CSMD1: variants seen among roughly 807,000 people sequenced by gnomAD.
CSMD1 encodes CUB and Sushi multiple domains 1.
In CSMD1, 213 loss-of-function variants were observed where a neutral mutation model predicts 417.5. The observed-to-expected ratio is 0.51, with a 90% confidence interval of 0.46 to 0.57. The LOEUF is 0.57. CSMD1 is among the 20% of genes least tolerant of loss of function. CSMD1 has a pLI of 0.00. For synonymous variants in CSMD1, 2,862 were observed against 1,736.8 expected (o/e 1.65, Z -16.11); for missense variants, 6,923 against 4,529.7 (o/e 1.53, Z -15.17).
chr8:4,733,629 T>G (rs924943386), intron 1 of CSMD1, among the ~76,000 whole-genome samples: 23 of 152,344 alleles, frequency 1.5e-4, no homozygotes, highest in African/African-American at 5.0e-4. Context: ...TTTTATCCAA[T>G]AGTCTACACT....
chr8:4,790,691 A>G (rs1302491932), intron 1 of CSMD1, among the ~76,000 whole-genome samples: 3 of 152,204 alleles, frequency 2.0e-5, no homozygotes, highest in African/African-American at 2.4e-5. Flanking sequence ...TTCTATAACC[A>G]TCTGATATTT....
chr8:4,217,659 A>G (rs1278523351), intron 3 of CSMD1, among the ~76,000 whole-genome samples: 2 of 32,158 alleles, frequency 6.2e-5, no homozygotes, highest in East Asian at 4.9e-3. Context: ...ACCTCATCAG[A>G]AAAAAAAAAA....
chr8:4,547,678 T>G (rs1200577806), intron 2 of CSMD1, among the ~76,000 whole-genome samples: 1 of 152,204 alleles, frequency 6.6e-6, no homozygotes, highest in African/African-American at 2.4e-5. Context: ...GAGTTCTGTA[T>G]GAGAAATGGT....
intron 3 of CSMD1, among the ~76,000 whole-genome samples, chr8:4,093,917 G>A (rs770445578): frequency 6.6e-4 from 100 of 151,994 alleles, no homozygotes; most frequent in African/African-American, 2.3e-3. Context: ...CCCAGATTGC[G>A]CCATTACGCT....
At chr8:3,389,980 T>G (rs573779127) in intron 17 of CSMD1, among the ~76,000 whole-genome samples, 88 of 152,266 alleles carry the variant, frequency 5.8e-4, no homozygotes, top group African/African-American at 2.0e-3. Flanking sequence ...GTGGTAGAAT[T>G]ATGATACTAC....
chr8:4,238,119 T>G (rs1007998302), intron 3 of CSMD1, among the ~76,000 whole-genome samples: 4 of 152,188 alleles, frequency 2.6e-5, no homozygotes, highest in Non-Finnish European at 1.5e-5. Context: ...CAGTCATGTC[T>G]GCCCCTGGCC....
At chr8:4,766,353 G>C (rs1812464446) in intron 1 of CSMD1, among the ~76,000 whole-genome samples, 2 of 152,140 alleles carry the variant, frequency 1.3e-5, no homozygotes, top group African/African-American at 4.8e-5. Context: ...AAGGTTGTTA[G>C]GACACAAGAA....
Position 3,509,760 on chromosome 8 carries a change from C to G in CSMD1, c.1345-16034G>C, listed in dbSNP as rs370094851. The stretch of plus-strand genomic sequence containing the variant: ...CAGAGTGATATTTTGTTCTAGAATC[C>G]AAGGGGTCTGCTTGATGCCTTCTGT... On this transcript the variant is annotated intron_variant, in intron 10 of 69. Coordinates refer to ENST00000635120, the MANE Select transcript of CSMD1 (RefSeq NM_033225.6). Among the ~76,000 whole-genome samples, 21 of 152,210 alleles carry G rather than the reference C, an allele frequency of 1.4e-4. No individual in the cohort carries two copies. In the East Asian group the frequency reaches 1.9e-3, roughly 14 times the overall value.
At chr8:3,055,882 G>A (rs544318012) in intron 49 of CSMD1, among the ~76,000 whole-genome samples, 2 of 152,248 alleles carry the variant, frequency 1.3e-5, no homozygotes, top group East Asian at 1.9e-4. Context: ...AATGAACGTT[G>A]TCTTCTTACG....
chr8:3,784,438 T>C (rs1354233441), intron 5 of CSMD1, among the ~76,000 whole-genome samples: 1 of 152,238 alleles, frequency 6.6e-6, no homozygotes, highest in Non-Finnish European at 1.5e-5. Context: ...CCTTTCAGTT[T>C]CTTAAAGAGA....
chr8:4,899,318 T>A (rs969902503), intron 1 of CSMD1, among the ~76,000 whole-genome samples: 3 of 126,428 alleles, frequency 2.4e-5, no homozygotes, highest in Non-Finnish European at 4.9e-5. Context: ...TTCTTACCTT[T>A]AAAATTGAAG....
rs140146738 is a variant in CSMD1 at position 3,014,528 on chromosome 8, C to A, written c.8029+3949G>T. 3.3e-3 allele frequency among the ~76,000 whole-genome samples: 501 copies of A among 152,244 alleles called. 1 individual carries two copies. Among genetic ancestry groups the A allele is most frequent in the African/African-American group, 0.011 (470 of 41,526 alleles). ...AACTCAGCAGTGTGATTTTTAGTCCCCTCAGCTGATTCGGATGAAATTCTC... is the reference window on the plus strand; with the variant it reads ...AACTCAGCAGTGTGATTTTTAGTCCACTCAGCTGATTCGGATGAAATTCTC... On this transcript the variant is annotated intron_variant, in intron 52 of 69. Coordinates refer to ENST00000635120, the MANE Select transcript of CSMD1 (RefSeq NM_033225.6).
intron 2 of CSMD1, among the ~76,000 whole-genome samples, chr8:4,425,394 A>G (rs572255062): frequency 1.3e-5 from 2 of 150,826 alleles, no homozygotes; most frequent in African/African-American, 5.0e-5. Context: ...AAAAAAAAAA[A>G]AAATAGAGTC....
chr8:4,309,619 T>C (rs1798447771), intron 3 of CSMD1, among the ~76,000 whole-genome samples: 1 of 152,082 alleles, frequency 6.6e-6, no homozygotes, highest in South Asian at 2.1e-4. Context: ...TTAGTACAAC[T>C]CCCTTGGGAA....
chr8:4,726,583 G>T (rs1362378330), intron 1 of CSMD1, among the ~76,000 whole-genome samples: 1 of 152,128 alleles, frequency 6.6e-6, no homozygotes, highest in Non-Finnish European at 1.5e-5. Context: ...CAGGTGAGAC[G>T]TCTAGGGCCT....
intron 3 of CSMD1, among the ~76,000 whole-genome samples, chr8:4,187,129 C>G (rs995726000): frequency 7.4e-6 from 1 of 134,942 alleles, no homozygotes; most frequent in Non-Finnish European, 1.6e-5. Flanking sequence ...AGTCTCCACT[C>G]TGTTAAAACA....
Position 4,499,190 on chromosome 8 carries a change from T to C in CSMD1, c.303-79125A>G, listed in dbSNP as rs374244196. 2.4e-4 allele frequency among the ~76,000 whole-genome samples: 37 copies of C among 152,146 alleles called. No individual in the cohort carries two copies. In the South Asian group the frequency reaches 3.9e-3, roughly 16 times the overall value. On this transcript the variant is annotated intron_variant, in intron 2 of 69. Coordinates refer to ENST00000635120, the MANE Select transcript of CSMD1 (RefSeq NM_033225.6). Reference sequence around the variant, plus strand: ...CATCAAAGGAAAGCAAGACAGAAAATTGAGGAGCCTCAGAAAGACTTCACA... The same window carrying C: ...CATCAAAGGAAAGCAAGACAGAAAACTGAGGAGCCTCAGAAAGACTTCACA...
chr8:4,479,618 G>C (rs1332764940), intron 2 of CSMD1, among the ~76,000 whole-genome samples: 4 of 152,004 alleles, frequency 2.6e-5, no homozygotes, highest in East Asian at 1.9e-4. Flanking sequence ...CTTTCCAGCT[G>C]GGTGCAGTGG....
chr8:4,855,012 C>T (rs1224233131), intron 1 of CSMD1, among the ~76,000 whole-genome samples: 1 of 152,132 alleles, frequency 6.6e-6, no homozygotes, highest in Non-Finnish European at 1.5e-5. Context: ...TTAAATGTCC[C>T]TGTCTGACAG....
Sources: allele counts gnomAD v4.1 joint callset (sites outside exome capture counted in the v4.1 genomes callset), GRCh38; gene constraint gnomAD v4.1.1; transcripts MANE v1.5; gene names NCBI Gene and HGNC (gene_info 2026-07-23, HGNC 2026-07-21).